NBEAL1: variants seen among roughly 807,000 people sequenced by gnomAD.
The protein encoded by NBEAL1 is neurobeachin like 1.
NBEAL1 carries 273 observed loss-of-function variants against 351.3 expected under a neutral mutation model. The observed-to-expected ratio is 0.78, with a 90% confidence interval of 0.70 to 0.86. The LOEUF is 0.86. NBEAL1 is among the 40% of genes least tolerant of loss of function. The pLI is 0.00. For synonymous variants in NBEAL1, 1,050 were observed against 1,086.4 expected (o/e 0.97, Z 0.66); for missense variants, 2,961 against 3,201.3 (o/e 0.92, Z 1.81).
chr2:203,132,184 A>C, intron 26 of NBEAL1, 52 bp downstream of exon 26: 1 of 1,238,124 alleles, frequency 8.1e-7, no homozygotes, highest in Non-Finnish European at 1.1e-6. Context: ...TTTTTCCTGT[A>C]AGTTTTTTTC....
At chr2:203,094,620 G>C (rs376239825) in intron 10 of NBEAL1, among the ~76,000 whole-genome samples, 2 of 152,190 alleles carry the variant, frequency 1.3e-5, no homozygotes, top group South Asian at 4.1e-4. Flanking sequence ...GTTGATTTCC[G>C]TAAGTATTTG....
intron 44 of NBEAL1, among the ~76,000 whole-genome samples, chr2:203,184,122 T>C (rs1233308717): frequency 1.9e-5 from 2 of 106,962 alleles, no homozygotes; most frequent in Non-Finnish European, 3.9e-5. Context: ...AAAAGGCAGC[T>C]AAACCCTAAA....
chr2:203,053,690 T>A (rs756351530), intron 4 of NBEAL1, among the ~76,000 whole-genome samples: 42 of 151,964 alleles, frequency 2.8e-4, no homozygotes, highest in South Asian at 1.3e-3. Context: ...TGATTTTTTT[T>A]AATTTTTTGT....
intron 36 of NBEAL1, 127 bp downstream of exon 36, chr2:203,157,952 A>C (rs1202768958): frequency 8.7e-6 from 6 of 692,014 alleles, no homozygotes; most frequent in Non-Finnish European, 1.1e-5. Flanking sequence ...ATCAGCTGTT[A>C]GGATTTTATC....
At chr2:203,046,891 T>G (rs2061236322) in intron 3 of NBEAL1, among the ~76,000 whole-genome samples, 1 of 152,132 alleles carries the variant, frequency 6.6e-6, no homozygotes, top group African/African-American at 2.4e-5. Context: ...AGTAGACATA[T>G]AGGTCGGATG....
chr2:203,016,061 G>A (rs114613519), intron 1 of NBEAL1, 95 bp from the exon 2 acceptor site: 1 of 197,482 alleles, frequency 5.1e-6, no homozygotes, highest in African/African-American at 2.3e-5. Context: ...GGTTGTTTGT[G>A]GGAAGTGAAG....
Position 203,099,727 on chromosome 2 carries a change from C to G in NBEAL1, c.1269+15C>G. 1.3e-6 allele frequency: 2 copies of G among 1,504,758 alleles called. No individual in the cohort carries two copies. Among genetic ancestry groups the G allele is most frequent in the Admixed American group, 2.3e-5 (1 of 42,706 alleles). The allele number at this position is 1,504,758 out of a possible 1,614,324, so 93.2% of individuals were successfully genotyped here. A position where few individuals can be genotyped will look rare whatever the true frequency, so the allele number is the denominator to read the frequency against. On this transcript the variant is annotated intron_variant, in intron 12 of 55. Transcript: ENST00000683969. ...CAGCTGCTAAGGTGAAACATATATC[C>G]TCCAGCTTTTTTTTTTTTCTTAACT...
intron 4 of NBEAL1, 109 bp from the exon 5 acceptor site, chr2:203,056,318 A>G (rs1029680359): frequency 1.5e-6 from 1 of 686,956 alleles, no homozygotes; most frequent in Non-Finnish European, 2.6e-6. Flanking sequence ...AATAAATGTC[A>G]TTTGCATTTT....
At chr2:203,094,589 C>T (rs2062139580) in intron 10 of NBEAL1, among the ~76,000 whole-genome samples, 3 of 152,102 alleles carry the variant, frequency 2.0e-5, no homozygotes, top group Non-Finnish European at 4.4e-5. Flanking sequence ...GTATGAGATT[C>T]GTCAGCCTAT....
intron 14 of NBEAL1, among the ~76,000 whole-genome samples, chr2:203,109,266 A>C (rs192492311): frequency 9.2e-5 from 14 of 152,272 alleles, no homozygotes; most frequent in African/African-American, 2.4e-4. Flanking sequence ...CTGAGGTACA[A>C]GAATCACTTA....
Position 203,225,127 on chromosome 2 carries a change from A to G in NBEAL1, c.*7773A>G, listed in dbSNP as rs978356267. Among the ~76,000 whole-genome samples, 1 of 152,224 alleles carries G rather than the reference A, an allele frequency of 6.6e-6. No individual in the cohort carries two copies. The highest frequency in any genetic ancestry group is 1.5e-5 in the Non-Finnish European group (1 of 68,028). On this transcript the variant is annotated 3_prime_UTR_variant, in exon 56 of 56. Coordinates refer to ENST00000683969, the MANE Select transcript of NBEAL1 (RefSeq NM_001378026.1). The stretch of plus-strand genomic sequence containing the variant: ...TTAAGAATGTCCATTTATTTTGTAC[A>G]TAATAAATTAGCTTTGTATATGAAA...
chr2:203,107,813 C>T lies in NBEAL1; in HGVS notation c.1574C>T (p.Thr525Ile). 2 of 1,554,508 alleles carry T rather than the reference C, an allele frequency of 1.3e-6. No individual in the cohort carries two copies. The highest frequency in any genetic ancestry group is 1.7e-6 in the Non-Finnish European group (2 of 1,147,798). ...NANMGIRIIE[T>I]LDLHSSLHQT... Reference sequence around the variant, plus strand: ...AACATGGGGATTAGAATCATTGAAACCCTTGACTTGCATTCTTCCCTCCAT... The same window carrying T: ...AACATGGGGATTAGAATCATTGAAATCCTTGACTTGCATTCTTCCCTCCAT... Residue 525 changes from threonine to isoleucine, a missense_variant, in exon 14 of 56, where the codon ACC becomes ATC. Physicochemically the swap from Thr to Ile is moderately conservative, Grantham distance 89 (BLOSUM62 -1). Coordinates refer to ENST00000683969, the MANE Select transcript of NBEAL1 (RefSeq NM_001378026.1).
At chr2:203,031,051 T>C (rs1039153538) in intron 2 of NBEAL1, among the ~76,000 whole-genome samples, 4 of 152,256 alleles carry the variant, frequency 2.6e-5, no homozygotes, top group Non-Finnish European at 5.9e-5. Flanking sequence ...CATTACTTTA[T>C]GTAACATTTA....
At chr2:203,046,419 G>A (rs1375701348) in intron 3 of NBEAL1, among the ~76,000 whole-genome samples, 3 of 151,954 alleles carry the variant, frequency 2.0e-5, no homozygotes, top group Admixed American at 6.6e-5. Context: ...GGGTTTCACC[G>A]TGTTAGCCAA....
Position 203,062,230 on chromosome 2 carries a change from T to C in NBEAL1, c.515+4777T>C, listed in dbSNP as rs74500940. The stretch of plus-strand genomic sequence containing the variant: ...CATATGACTTACATTTCTCCCATAT[T>C]TTCTGACTTGATCGTCAACATTCTG... On this transcript the variant is annotated intron_variant, in intron 6 of 55. Transcript: ENST00000683969. The surrounding 1 kb of genome is among the most constrained non-coding windows in gnomAD (Gnocchi z 4.2). 1.6e-4 allele frequency: 73 copies of C among 457,110 alleles called. No individual in the cohort carries two copies. In the East Asian group the frequency reaches 4.7e-3, roughly 29 times the overall value. The allele number at this position is 457,110 out of a possible 1,614,324, so 28.3% of individuals were successfully genotyped here. A position where few individuals can be genotyped will look rare whatever the true frequency, so the allele number is the denominator to read the frequency against.
chr2:203,161,993 G>A (rs976755077), intron 36 of NBEAL1, among the ~76,000 whole-genome samples: 9 of 147,752 alleles, frequency 6.1e-5, no homozygotes, highest in Non-Finnish European at 1.2e-4. Flanking sequence ...AGTTTTGGGG[G>A]TTTTGTTTTG....
chr2:203,076,891 C>T (rs1205099894), intron 7 of NBEAL1, among the ~76,000 whole-genome samples: 1 of 151,846 alleles, frequency 6.6e-6, no homozygotes, highest in Non-Finnish European at 1.5e-5. Flanking sequence ...TGCGCCCAGC[C>T]TAGATGTCTC....
In NBEAL1 at chr2:203,136,715, A is replaced by G; in HGVS notation, c.4506A>G (p.Ala1502=). 1.2e-6 allele frequency: 2 copies of G among 1,613,858 alleles called. No individual in the cohort carries two copies. Among genetic ancestry groups the G allele is most frequent in the South Asian group, 2.2e-5 (2 of 91,050 alleles). ...TWIERGQVFS[A]LSKPGISSEL... Reference sequence around the variant, plus strand: ...TTGAACGAGGACAAGTGTTTTCAGCACTAAGTAAACCAGGAATATCCAGTG... The same window carrying G: ...TTGAACGAGGACAAGTGTTTTCAGCGCTAAGTAAACCAGGAATATCCAGTG... Residue 1502 remains alanine (A), a synonymous_variant, in exon 29 of 56, where the codon GCA becomes GCG. Coordinates refer to ENST00000683969, the MANE Select transcript of NBEAL1 (RefSeq NM_001378026.1).
In NBEAL1 at chr2:203,207,721, C is replaced by G. The variant is rs965903700; in HGVS notation, c.7507-916C>G. Reference sequence around the variant, plus strand: ...AACAGATGCTTGAAGGCAGCATGCTCGTTAAGAGTCATCACCACTCCCTAA... The same window carrying G: ...AACAGATGCTTGAAGGCAGCATGCTGGTTAAGAGTCATCACCACTCCCTAA... On this transcript the variant is annotated intron_variant, in intron 51 of 55. Coordinates refer to ENST00000683969, the MANE Select transcript of NBEAL1 (RefSeq NM_001378026.1). Among the ~76,000 whole-genome samples, 6 of 152,106 alleles carry G rather than the reference C, an allele frequency of 3.9e-5. No individual in the cohort carries two copies. The East Asian group carries it at 1.2e-3, about 29-fold the overall frequency.
Sources: allele counts gnomAD v4.1 joint callset (sites outside exome capture counted in the v4.1 genomes callset), GRCh38; gene constraint gnomAD v4.1.1; non-coding constraint Gnocchi (gnomAD v3.1); transcripts MANE v1.5; gene names NCBI Gene and HGNC (gene_info 2026-07-23, HGNC 2026-07-21).